The following SDK1 variants were observed in gnomAD, a reference collection of about 807,000 sequenced individuals.
The protein encoded by SDK1 is sidekick cell adhesion molecule 1.
A neutral mutation model predicts 245.5 loss-of-function variants in SDK1; 157 were observed. The observed-to-expected ratio is 0.64, with a 90% confidence interval of 0.56 to 0.73. SDK1 has a LOEUF of 0.73. Among genes scored for constraint, SDK1 ranks in the 30% least tolerant of loss-of-function variants. The pLI, the probability that SDK1 is intolerant of heterozygous loss-of-function variation, is 0.00. For synonymous variants in SDK1, 1,647 were observed against 1,278.5 expected (o/e 1.29, Z -6.15); for missense variants, 3,583 against 3,002.3 (o/e 1.19, Z -4.52).
intron 14 of SDK1, among the ~76,000 whole-genome samples, chr7:4,000,132 G>T (rs1362538810): frequency 6.6e-6 from 1 of 152,216 alleles, no homozygotes. Flanking sequence ...GGGAAGGAGG[G>T]GGCCCAAGAT....
At chr7:4,058,333 T>C (rs1779324815) in intron 19 of SDK1, among the ~76,000 whole-genome samples, 1 of 151,976 alleles carries the variant, frequency 6.6e-6, no homozygotes, top group South Asian at 2.1e-4. Flanking sequence ...TAAAGTTGAA[T>C]AAAGACTATG....
At chr7:3,694,039 A>C (rs1388208998) in intron 4 of SDK1, among the ~76,000 whole-genome samples, 1 of 152,202 alleles carries the variant, frequency 6.6e-6, no homozygotes, top group Admixed American at 6.5e-5. Flanking sequence ...CTTTCTTGGG[A>C]GTATTTGTCA....
chr7:3,581,315 C>G (rs918088120), intron 1 of SDK1, among the ~76,000 whole-genome samples: 6 of 152,112 alleles, frequency 3.9e-5, no homozygotes, highest in African/African-American at 1.4e-4. Flanking sequence ...AGATGCTAAT[C>G]ACTATTATTA....
intron 1 of SDK1, among the ~76,000 whole-genome samples, chr7:3,495,252 CT>C (rs71029675): frequency 0.016 from 1,570 of 99,720 alleles, 6 homozygotes; most frequent in African/African-American, 0.033. Flanking sequence ...CATAATGGTT[CT>C]TTTTTTTTTT....
At chr7:3,771,604 A>C (rs779622994) in intron 4 of SDK1, among the ~76,000 whole-genome samples, 9 of 152,168 alleles carry the variant, frequency 5.9e-5, no homozygotes, top group African/African-American at 9.7e-5. Flanking sequence ...TTAATTTTTG[A>C]AGCCATCCAT....
intron 1 of SDK1, among the ~76,000 whole-genome samples, chr7:3,522,947 C>T (rs1341038665): frequency 3.4e-5 from 1 of 29,150 alleles, no homozygotes; most frequent in Non-Finnish European, 6.7e-5. Flanking sequence ...AGGTTAGGGG[C>T]ACTCTTTGGC....
At chr7:4,174,501 G>A (rs557503727) in intron 33 of SDK1, 144 bp downstream of exon 33, 44 of 947,764 alleles carry the variant, frequency 4.6e-5, no homozygotes, top group African/African-American at 1.1e-4. Flanking sequence ...GGGAGCAGGC[G>A]GGTTTACCCA....
At chr7:3,924,931 G>T (rs1202400407) in intron 5 of SDK1, among the ~76,000 whole-genome samples, 1 of 152,100 alleles carries the variant, frequency 6.6e-6, no homozygotes, top group African/African-American at 2.4e-5. Flanking sequence ...AATGGCCACT[G>T]TCATTTTCCC....
chr7:3,343,453 A>C (rs1780408055), intron 1 of SDK1, among the ~76,000 whole-genome samples: 1 of 152,208 alleles, frequency 6.6e-6, no homozygotes, highest in African/African-American at 2.4e-5. Context: ...GAAATGACAA[A>C]ATTCTAGAAC....
chr7:4,209,191 G>C (rs994675979), intron 37 of SDK1, among the ~76,000 whole-genome samples: 5 of 152,350 alleles, frequency 3.3e-5, no homozygotes, highest in Non-Finnish European at 2.9e-5. Flanking sequence ...GATGTGGGCA[G>C]ATCTGTAGGC....
chr7:4,013,309 C>A (rs1048869950), intron 16 of SDK1, among the ~76,000 whole-genome samples: 1 of 152,190 alleles, frequency 6.6e-6, no homozygotes. Flanking sequence ...CCTGTTGACA[C>A]AAGTAAAAGC....
chr7:3,477,108 C>T (rs1190786577), intron 1 of SDK1, among the ~76,000 whole-genome samples: 1 of 151,192 alleles, frequency 6.6e-6, no homozygotes, highest in Non-Finnish European at 1.5e-5. Flanking sequence ...CATTAAAGTA[C>T]TTCCTTGTTT....
At chr7:4,136,161 C>T (rs1424388283) in intron 28 of SDK1, among the ~76,000 whole-genome samples, 2 of 152,174 alleles carry the variant, frequency 1.3e-5, no homozygotes, top group Admixed American at 6.5e-5. Flanking sequence ...TGTCTACCTG[C>T]GAGGCAGACA....
At chr7:4,021,615 C>G (rs1258534757) in intron 17 of SDK1, among the ~76,000 whole-genome samples, 2 of 152,172 alleles carry the variant, frequency 1.3e-5, no homozygotes, top group African/African-American at 4.8e-5. Context: ...TGCTGCAGTG[C>G]CAGCCATTGC....
chr7:3,362,623 A>G (rs778557549), intron 1 of SDK1, among the ~76,000 whole-genome samples: 6 of 152,194 alleles, frequency 3.9e-5, no homozygotes, highest in Non-Finnish European at 8.8e-5. Context: ...AAGATTTAAA[A>G]TTAATTTTGA....
chr7:3,989,332 CAG>C (rs1021266796), intron 14 of SDK1, among the ~76,000 whole-genome samples: 3 of 152,170 alleles, frequency 2.0e-5, no homozygotes, highest in Admixed American at 6.5e-5. Context: ...GACTTGCTGT[CAG>C]GGGAACAGCA....
rs1562872177 is a variant in SDK1, at chr7:4,139,599, A to ATATATGTGTG, written c.4229-6121_4229-6112dup. Among the ~76,000 whole-genome samples the ATATATGTGTG allele has an allele frequency of 4.1e-4, 22 of 53,514 alleles. 3 individuals carry two copies. Among genetic ancestry groups the ATATATGTGTG allele is most frequent in the African/African-American group, 1.5e-3 (21 of 14,444 alleles). 35.1% of individuals were successfully genotyped at this position (53,514 alleles called of 152,430 possible). ...TGTGTGTGTATGTGTGTGTATATGT[A>ATATATGTGTG]TATATGTGTGTGTATATGTGTGTGT... On this transcript the variant is annotated intron_variant, in intron 28 of 44. Transcript: ENST00000404826.
At chr7:3,975,113 C>T (rs975814178) in intron 13 of SDK1, among the ~76,000 whole-genome samples, 1 of 152,190 alleles carries the variant, frequency 6.6e-6, no homozygotes, top group Non-Finnish European at 1.5e-5. Flanking sequence ...AGGCGGGAAA[C>T]CGTCAATCTC....
At chr7:4,192,224 C>T (rs538975010) in intron 35 of SDK1, among the ~76,000 whole-genome samples, 4 of 152,298 alleles carry the variant, frequency 2.6e-5, no homozygotes, top group African/African-American at 7.2e-5. Context: ...CCCAACAGCA[C>T]GTGCTCACTT....
Sources: gnomAD v4.1 joint callset for allele counts (sites outside exome capture counted in the v4.1 genomes callset) on GRCh38, gnomAD v4.1.1 for gene constraint, MANE v1.5 for transcripts, NCBI Gene and HGNC (gene_info 2026-07-23, HGNC 2026-07-21) for gene names.